Variants in SBF2 observed in about 807,000 individuals in gnomAD.
SBF2 encodes SET binding factor 2, also known as myotubularin-related protein 13.
SBF2 carries 112 observed loss-of-function variants against 225.2 expected under a neutral mutation model. The observed-to-expected ratio is 0.50, with a 90% CI of 0.43 to 0.58. The LOEUF is 0.58. Ranked by LOEUF, SBF2 falls within the 20% of genes least tolerant of loss-of-function variation. The probability of loss-of-function intolerance (pLI) is 0.00; values close to 1 mark genes in which losing one functional copy is unlikely to be tolerated. For missense variants in SBF2, 1,996 were observed against 2,206.2 expected, an observed-to-expected ratio of 0.90 and a Z score of 1.91; for synonymous variants, 763 against 773.3, an observed-to-expected ratio of 0.99 and a Z score of 0.22.
intron 14 of SBF2, among the ~76,000 whole-genome samples, chr11:9,965,975 T>C (rs972766664): frequency 1.3e-5 from 2 of 152,236 alleles, no homozygotes; most frequent in African/African-American, 4.8e-5. Flanking sequence ...ACACACTTTA[T>C]TGAGAGAGCA....
intron 14 of SBF2, 47 bp from the exon 15 acceptor site, chr11:9,963,929 G>T: frequency 8.8e-7 from 1 of 1,132,150 alleles, no homozygotes; most frequent in Non-Finnish European, 1.3e-6. Flanking sequence ...AACTTCTTTG[G>T]TAATTACAAA....
intron 9 of SBF2, among the ~76,000 whole-genome samples, chr11:9,995,793 G>A (rs1163606350): frequency 1.1e-4 from 17 of 149,738 alleles, no homozygotes; most frequent in Admixed American, 1.1e-3. Flanking sequence ...GGGATTACAG[G>A]TGTGCACCAC....
chr11:10,031,311 A>G, intron 3 of SBF2, 141 bp from the exon 4 acceptor site: 1 of 806,196 alleles, frequency 1.2e-6, no homozygotes, highest in Non-Finnish European at 1.9e-6. Flanking sequence ...AACTACAAAT[A>G]AAGAATAGAC....
At position 10,303,874 on chromosome 11, in the gene SBF2, G is replaced by C. The variant is rs1035026641; in HGVS notation, n.386+618C>G. 1.3e-5 allele frequency among the ~76,000 whole-genome samples: 2 copies of C among 152,188 alleles called. No individual in the cohort carries two copies. Among genetic ancestry groups the C allele is most frequent in the Non-Finnish European group, 2.9e-5 (2 of 68,030 alleles). The stretch of plus-strand genomic sequence containing the variant: ...GAAGCTGTGATGAAAGAGCACAAAC[G>C]GGTGACAAACGTGTCTAGCGTGATT... On this transcript the variant is annotated intron_variant and non_coding_transcript_variant, in intron 1 of 5. Coordinates refer to the SBF2 transcript ENST00000685217. This position sits in a 1 kb window ranked among gnomAD's most constrained non-coding sequence, Gnocchi z 5.2.
At chr11:10,192,826 G>A (rs1337058971) in intron 2 of SBF2, among the ~76,000 whole-genome samples, 1 of 152,070 alleles carries the variant, frequency 6.6e-6, no homozygotes, top group Non-Finnish European at 1.5e-5. Context: ...CTGCTTCTAT[G>A]TGTTTATGTG....
chr11:10,183,843 T>C (rs79048151), intron 2 of SBF2, among the ~76,000 whole-genome samples: 11,212 of 152,108 alleles, frequency 0.074, 601 homozygotes, highest in East Asian at 0.29. Context: ...GGGAAGGATG[T>C]GGGGAGGGAA....
At chr11:9,852,106 G>C (rs981008046) in intron 21 of SBF2, among the ~76,000 whole-genome samples, 1 of 152,152 alleles carries the variant, frequency 6.6e-6, no homozygotes, top group Non-Finnish European at 1.5e-5. Context: ...ATAAAGTTCT[G>C]TTATATAGGC....
At chr11:10,211,688 A>G (rs183402511) in intron 1 of SBF2, among the ~76,000 whole-genome samples, 53 of 152,322 alleles carry the variant, frequency 3.5e-4, no homozygotes, top group African/African-American at 1.3e-3. Flanking sequence ...CAAAATCCCT[A>G]CAGACTAAAT....
In SBF2 at chr11:9,847,223, C is replaced by T. The variant is rs1379403712; in HGVS notation, c.2807-140G>A. 7.9e-6 allele frequency: 8 copies of T among 1,012,468 alleles called. No individual in the cohort carries two copies. In the East Asian group the frequency reaches 1.9e-4, roughly 24 times the overall value. The allele number at this position is 1,012,468 out of a possible 1,614,324, so 62.7% of individuals were successfully genotyped here. On this transcript the variant is annotated intron_variant, in intron 22 of 39. Coordinates refer to ENST00000256190, the MANE Select transcript of SBF2 (RefSeq NM_030962.4). The stretch of plus-strand genomic sequence containing the variant: ...CCAGGGATGCAGTGAAAGAAAGTGC[C>T]CTTCACTCCAGAAAAGGATTATGTC...
At chr11:10,283,440 C>A (rs1241887172) in intron 1 of SBF2, among the ~76,000 whole-genome samples, 1 of 151,856 alleles carries the variant, frequency 6.6e-6, no homozygotes, top group East Asian at 1.9e-4. Context: ...TACATTCTAG[C>A]TTGTCTCTCT....
chr11:9,891,579 C>T (rs949132535), intron 17 of SBF2, among the ~76,000 whole-genome samples: 4 of 152,024 alleles, frequency 2.6e-5, no homozygotes, highest in Non-Finnish European at 4.4e-5. Flanking sequence ...AAATTGAAAT[C>T]GAAAATGAAA....
chr11:10,097,037 T>A (rs914304793), intron 2 of SBF2, among the ~76,000 whole-genome samples: 1 of 152,208 alleles, frequency 6.6e-6, no homozygotes, highest in African/African-American at 2.4e-5. Flanking sequence ...AATTCATGTG[T>A]TAAAATTTTA....
intron 1 of SBF2, among the ~76,000 whole-genome samples, chr11:10,258,849 G>A (rs1217070571): frequency 6.6e-6 from 1 of 152,112 alleles, no homozygotes; most frequent in Non-Finnish European, 1.5e-5. Flanking sequence ...GGGTCCAGAA[G>A]AGCCATATAG....
At chr11:10,053,471 T>C (rs1406194247) in intron 2 of SBF2, among the ~76,000 whole-genome samples, 1 of 152,206 alleles carries the variant, frequency 6.6e-6, no homozygotes, top group African/African-American at 2.4e-5. Context: ...TAAACTATAT[T>C]CTGACCAAAG....
intron 37 of SBF2, 49 bp downstream of exon 37, chr11:9,785,076 G>C: frequency 6.5e-7 from 1 of 1,540,362 alleles, no homozygotes; most frequent in Non-Finnish European, 9.0e-7. Flanking sequence ...TTTAGCCTCA[G>C]GTGCTGTGGG....
At chr11:10,014,762 C>A (rs1255144505) in intron 6 of SBF2, among the ~76,000 whole-genome samples, 1 of 151,974 alleles carries the variant, frequency 6.6e-6, no homozygotes, top group African/African-American at 2.4e-5. Context: ...ATGTAAGACA[C>A]AAATATGCTA....
At chr11:10,240,564 T>C (rs1959194434) in intron 1 of SBF2, among the ~76,000 whole-genome samples, 1 of 152,182 alleles carries the variant, frequency 6.6e-6, no homozygotes, top group Non-Finnish European at 1.5e-5. Context: ...CTCTTTACCT[T>C]TGAGTTTGGT....
intron 1 of SBF2, among the ~76,000 whole-genome samples, chr11:10,255,909 T>C (rs1477406227): frequency 6.6e-6 from 1 of 152,190 alleles, no homozygotes; most frequent in African/African-American, 2.4e-5. Context: ...TTTAGTCATG[T>C]TTCCCTGGTC....
rs1362184098 is a variant in SBF2 at position 9,778,864 on chromosome 11, T to C, written c.*1554A>G. ...AATGCCTTCACGAAAGTTAAAGTAA[T>C]CCAGTTACAAAAGAAGCACTGTGTA... On this transcript the variant is annotated 3_prime_UTR_variant, in exon 40 of 40. Transcript: ENST00000256190. The C allele has an allele frequency of 6.6e-6, 1 of 152,606 alleles. No individual in the cohort carries two copies. Among genetic ancestry groups the C allele is most frequent in the Non-Finnish European group, 1.5e-5 (1 of 68,044 alleles). 9.5% of individuals were successfully genotyped at this position (152,606 alleles called of 1,614,324 possible). A position where few individuals can be genotyped will look rare whatever the true frequency, so the allele number is the denominator to read the frequency against.
Sources: allele counts gnomAD v4.1 joint callset (sites outside exome capture counted in the v4.1 genomes callset), GRCh38; gene constraint gnomAD v4.1.1; non-coding constraint Gnocchi (gnomAD v3.1); transcripts MANE v1.5; gene names NCBI Gene and HGNC (gene_info 2026-07-23, HGNC 2026-07-21).